Variants in PSTPIP2 observed in about 807,000 individuals in gnomAD.
The protein encoded by PSTPIP2 is proline-serine-threonine phosphatase interacting protein 2, also known as proline-serine-threonine phosphatase-interacting protein 2.
In PSTPIP2, 33 loss-of-function variants were observed where a neutral mutation model predicts 63.3. That is an observed-to-expected ratio of 0.52 (90% CI 0.40 to 0.70). The LOEUF (loss-of-function observed/expected upper bound fraction) is 0.70. Among genes scored for constraint, PSTPIP2 ranks in the 30% least tolerant of loss-of-function variants. The pLI, the probability that PSTPIP2 is intolerant of heterozygous loss-of-function variation, is 0.00. For missense variants in PSTPIP2, 312 were observed against 400.7 expected (o/e 0.78, Z 1.89); for synonymous variants, 125 against 132.7 (o/e 0.94, Z 0.40).
rs1431409834 is a variant in PSTPIP2, at chr18:45,999,431, G to A, written c.516+5C>T. The A allele has an allele frequency of 3.1e-6, 5 of 1,614,110 alleles. No homozygotes were observed. Among genetic ancestry groups the A allele is most frequent in the Non-Finnish European group, 4.2e-6 (5 of 1,179,972 alleles). On this transcript the variant is annotated splice_donor_5th_base_variant and intron_variant, in intron 7 of 14. Coordinates refer to ENST00000409746, the MANE Select transcript of PSTPIP2 (RefSeq NM_024430.4). The stretch of plus-strand genomic sequence containing the variant: ...ATTTTTCGGGTTGTTAGCCCTCCTG[G>A]GTACCTTTTCTTGTTGCTTCGGGTT...
intron 8 of PSTPIP2, among the ~76,000 whole-genome samples, chr18:45,998,058 G>A (rs2051621719): frequency 6.6e-6 from 1 of 152,092 alleles, no homozygotes; most frequent in African/African-American, 2.4e-5. Context: ...ACCTAACATT[G>A]AGAAAGAAAG....
chr18:46,005,533 T>G lies in PSTPIP2; in HGVS notation c.355-2A>C. ...GATAGCATCCATTATGAGCTCTGTC[T>G]GTAAAGAGATCATAAACACTCTTAA... On this transcript the variant is annotated splice_acceptor_variant, in intron 5 of 14. Transcript: ENST00000409746. LOFTEE classifies it high-confidence loss of function. 6.3e-7 allele frequency: 1 copy of G among 1,575,612 alleles called. No individual in the cohort carries two copies. The highest frequency in any genetic ancestry group is 8.7e-7 in the Non-Finnish European group (1 of 1,153,268).
At chr18:46,032,733 A>C (rs1907826155) in intron 2 of PSTPIP2, among the ~76,000 whole-genome samples, 1 of 149,298 alleles carries the variant, frequency 6.7e-6, no homozygotes, top group South Asian at 2.1e-4. Flanking sequence ...TAGCTTAGGC[A>C]ATAAGAGCAA....
chr18:46,006,504 A>G (rs1166883572), intron 5 of PSTPIP2, among the ~76,000 whole-genome samples: 3 of 147,716 alleles, frequency 2.0e-5, no homozygotes, highest in African/African-American at 7.6e-5. Context: ...CTCCCAAGTC[A>G]CTGGGATTGC....
chr18:46,070,129 C>T (rs966942512), intron 1 of PSTPIP2, among the ~76,000 whole-genome samples: 13 of 152,224 alleles, frequency 8.5e-5, no homozygotes, highest in East Asian at 1.9e-4. Context: ...TAGTAAGGGG[C>T]AGAACTGGAT....
intron 2 of PSTPIP2, among the ~76,000 whole-genome samples, chr18:46,036,354 G>A (rs1354712263): frequency 6.6e-6 from 1 of 152,066 alleles, no homozygotes; most frequent in Non-Finnish European, 1.5e-5. Flanking sequence ...GAGGTTCAGA[G>A]AGATTATGGC....
In PSTPIP2 at chr18:46,054,752, C is replaced by T. The variant is rs532032906; in HGVS notation, c.34-14705G>A. Among the ~76,000 whole-genome samples the T allele has an allele frequency of 1.7e-3, 258 of 151,296 alleles. 1 individual carries two copies. The highest frequency in any genetic ancestry group is 3.4e-3 in the Middle Eastern group (1 of 294). ...CTTGGCTCACTGCAACCTCTGCCTC[C>T]TGGGTTCAAATGATTCTCCTGCCTC... On this transcript the variant is annotated intron_variant, in intron 1 of 14. Coordinates refer to ENST00000409746, the MANE Select transcript of PSTPIP2 (RefSeq NM_024430.4).
chr18:46,010,410 A>G (rs2144081490), intron 5 of PSTPIP2, among the ~76,000 whole-genome samples: 1 of 152,330 alleles, frequency 6.6e-6, no homozygotes, highest in South Asian at 2.1e-4. Flanking sequence ...CTTGTCTCCC[A>G]TGTGAGGCCC....
intron 2 of PSTPIP2, among the ~76,000 whole-genome samples, chr18:46,026,856 C>A (rs767907571): frequency 6.6e-6 from 1 of 152,018 alleles, no homozygotes; most frequent in Non-Finnish European, 1.5e-5. Context: ...AGGAAAAGTA[C>A]AAAGAAGAAA....
intron 3 of PSTPIP2, among the ~76,000 whole-genome samples, chr18:46,022,132 A>G (rs557777300): frequency 6.6e-6 from 1 of 152,168 alleles, no homozygotes; most frequent in Non-Finnish European, 1.5e-5. Context: ...TAGCCAATGA[A>G]AAATAAATCT....
intron 5 of PSTPIP2, among the ~76,000 whole-genome samples, chr18:46,009,473 C>T (rs897247706): frequency 6.7e-6 from 1 of 149,138 alleles, no homozygotes; most frequent in Non-Finnish European, 1.5e-5. Flanking sequence ...ATGTGGACTT[C>T]TCAAAGAAAG....
chr18:46,059,580 T>G (rs1568232634), intron 1 of PSTPIP2, among the ~76,000 whole-genome samples: 1 of 152,136 alleles, frequency 6.6e-6, no homozygotes. Context: ...TATACTTATT[T>G]TATTGTTGAA....
chr18:46,037,594 G>A (rs1799907355), intron 2 of PSTPIP2, among the ~76,000 whole-genome samples: 1 of 152,178 alleles, frequency 6.6e-6, no homozygotes, highest in African/African-American at 2.4e-5. Context: ...AGGAAAGCTG[G>A]ATCCCCAAGC....
At chr18:45,994,683 T>G (rs2051575121) in intron 9 of PSTPIP2, among the ~76,000 whole-genome samples, 1 of 152,242 alleles carries the variant, frequency 6.6e-6, no homozygotes, top group Non-Finnish European at 1.5e-5. Context: ...TGAATCCCTA[T>G]GTACTCATCA....
At chr18:46,028,696 A>C (rs1279123503) in intron 2 of PSTPIP2, 2 of 870,094 alleles carry the variant, frequency 2.3e-6, no homozygotes, top group Non-Finnish European at 1.9e-6. Context: ...CGGAAAGATA[A>C]TGATGAAAAA....
chr18:46,045,495 ACT>A (rs1312657114), intron 1 of PSTPIP2, among the ~76,000 whole-genome samples: 1 of 148,958 alleles, frequency 6.7e-6, no homozygotes, highest in Non-Finnish European at 1.5e-5. Flanking sequence ...GGAACATCAC[ACT>A]CTGGGGACTG....
chr18:46,019,288 G>A (rs1479536173), intron 3 of PSTPIP2, among the ~76,000 whole-genome samples: 1 of 152,016 alleles, frequency 6.6e-6, no homozygotes, highest in African/African-American at 2.4e-5. Flanking sequence ...GAAATTAAAG[G>A]CCTTGTGTTT....
intron 1 of PSTPIP2, among the ~76,000 whole-genome samples, chr18:46,056,242 T>C (rs1172887850): frequency 6.6e-6 from 1 of 152,220 alleles, no homozygotes; most frequent in Non-Finnish European, 1.5e-5. Flanking sequence ...GGATCATCAC[T>C]TATGTTCTCC....
chr18:46,011,867 T>A (rs1468385324), intron 4 of PSTPIP2, among the ~76,000 whole-genome samples: 1 of 152,138 alleles, frequency 6.6e-6, no homozygotes, highest in Non-Finnish European at 1.5e-5. Context: ...GCATTAAAGC[T>A]AAAAAGTCTG....
Sources: gnomAD v4.1 joint callset for allele counts (sites outside exome capture counted in the v4.1 genomes callset) on GRCh38, gnomAD v4.1.1 for gene constraint, MANE v1.5 for transcripts, NCBI Gene and HGNC (gene_info 2026-07-23, HGNC 2026-07-21) for gene names.